The following RIF1 variants were observed in gnomAD, a reference collection of about 807,000 sequenced individuals.
The protein encoded by RIF1 is replication timing regulatory factor 1.
In RIF1, 45 loss-of-function variants were observed where a neutral mutation model predicts 247.1. The ratio of observed to expected loss-of-function variants is 0.18; its 90% CI spans 0.14 to 0.23. The LOEUF (loss-of-function observed/expected upper bound fraction) is 0.23, where lower values mean the gene tolerates loss of function less well. Among genes scored for constraint, RIF1 ranks in the 10% least tolerant of loss-of-function variants. The probability of loss-of-function intolerance (pLI) is 1.00; values close to 1 mark genes in which losing one functional copy is unlikely to be tolerated. For synonymous variants in RIF1, 1,087 were observed against 978.8 expected (o/e 1.11, Z -2.06); for missense variants, 2,967 against 2,862.5 (o/e 1.04, Z -0.83).
the RIF1 span, chr2:151,518,307 G>C: frequency 1.3e-6 from 2 of 1,569,496 alleles, no homozygotes; most frequent in Non-Finnish European, 1.8e-6. Flanking sequence ...AATCGGTCTT[G>C]ATCCACTTAC....
chr2:151,508,474 T>A (rs561355105), downstream of RIF1, among the ~76,000 whole-genome samples: 7 of 152,280 alleles, frequency 4.6e-5, no homozygotes, highest in East Asian at 9.7e-4. Flanking sequence ...TGGATGAAGC[T>A]ATGTAGCCAG....
At chr2:151,426,415 C>T (rs1000155500) in intron 8 of RIF1, among the ~76,000 whole-genome samples, 10 of 151,158 alleles carry the variant, frequency 6.6e-5, no homozygotes, top group African/African-American at 2.4e-4. Context: ...ACCTTGTAAT[C>T]CTCCCGCCTT....
At chr2:151,494,633 G>T (rs1001489593) in intron 9 of RIF1, among the ~76,000 whole-genome samples, 1 of 150,552 alleles carries the variant, frequency 6.6e-6, no homozygotes, top group African/African-American at 2.4e-5. Context: ...TCAGCTGTTT[G>T]TTTTTTTTTG....
chr2:151,431,732 C>T (rs560864985), intron 9 of RIF1, among the ~76,000 whole-genome samples: 56 of 152,212 alleles, frequency 3.7e-4, no homozygotes, highest in Admixed American at 1.1e-3. Flanking sequence ...GAGCCGAGAT[C>T]ATGCCATTGC....
At position 151,463,427 on chromosome 2, in the gene RIF1, A is replaced by C; in HGVS notation, c.3907A>C (p.Lys1303Gln). 6.2e-7 allele frequency: 1 copy of C among 1,614,044 alleles called. No homozygotes were observed. Among genetic ancestry groups the C allele is most frequent in the African/African-American group, 1.3e-5 (1 of 75,052 alleles). ...TGAACAAACAGGGAATAAAAGGTCT[A>C]AGCCCTTAATGAGATCTGAGCCGGA... ...KAEQTGNKRS[K>Q]PLMRSEPEKN... The change falls in exon 30 of 36, where the codon AAG becomes CAG. Residue 1303 changes from lysine (K) to glutamine (Q), a missense_variant. Lys to Gln is a moderately conservative substitution (Grantham distance 53). Around this residue, in one of 7 missense-constraint regions of RIF1, gnomAD observed 2,028 missense variants for 1,825.6 expected, o/e 1.11. Transcript: ENST00000444746.
At chr2:151,441,613 C>T (rs1184722531) in intron 15 of RIF1, among the ~76,000 whole-genome samples, 3 of 152,134 alleles carry the variant, frequency 2.0e-5, no homozygotes, top group Admixed American at 6.6e-5. Context: ...TGTGTACTTA[C>T]ATATACAGAA....
chr2:151,453,166 C>T (rs1694617278), intron 21 of RIF1, among the ~76,000 whole-genome samples: 3 of 152,040 alleles, frequency 2.0e-5, no homozygotes, highest in South Asian at 4.1e-4. Flanking sequence ...ATCTGCTCCC[C>T]CCTCCCCCCA....
intron 35 of RIF1, 106 bp from the exon 36 acceptor site, chr2:151,474,749 GCT>G (rs1270454027): frequency 4.4e-6 from 3 of 679,008 alleles, no homozygotes; most frequent in Non-Finnish European, 7.7e-6. Flanking sequence ...ACTTAAGCCT[GCT>G]CTCTCAATTT....
At position 151,464,296 on chromosome 2, in the gene RIF1, G is replaced by C. The variant is rs562817771; in HGVS notation, c.4776G>C (p.Gln1592His). 2.5e-6 allele frequency: 4 copies of C among 1,613,192 alleles called. No individual in the cohort carries two copies. The Admixed American group carries it at 5.0e-5, about 20-fold the overall frequency. ...IQDQEEKVVK[Q>H]ECIKAENQSH... is the part of the protein sequence containing the mutation. The stretch of plus-strand genomic sequence containing the variant: ...ATCAAGAAGAGAAAGTGGTGAAACA[G>C]GAATGTATAAAAGCTGAAAATCAGT... The change falls in exon 30 of 36, where the codon CAG becomes CAC. Residue 1592 changes from glutamine to histidine, a missense_variant. Physicochemically the swap from Gln to His is conservative, Grantham distance 24. Coordinates refer to ENST00000444746, the MANE Select transcript of RIF1 (RefSeq NM_018151.5).
At position 151,464,896 on chromosome 2, in the gene RIF1, T is replaced by C. The variant is rs1696677817; in HGVS notation, c.5376T>C (p.His1792=). ...AAGGACAATTTTTAGATGAACATCA[T>C]AGTGTGAATTTTCATTTGGGTCTCA... The part of the protein sequence containing the change: ...YSEGQFLDEH[H]SVNFHLGLKE... The change falls in exon 30 of 36, where the codon CAT becomes CAC. Residue 1792 remains histidine, a synonymous_variant. Coordinates refer to ENST00000444746, the MANE Select transcript of RIF1 (RefSeq NM_018151.5). The C allele has an allele frequency of 3.2e-6, 5 of 1,583,514 alleles. No homozygotes were observed. Among genetic ancestry groups the C allele is most frequent in the Non-Finnish European group, 4.3e-6 (5 of 1,170,470 alleles).
At chr2:151,526,768 C>T in the RIF1 span, 553 of 630,842 alleles carry the variant, frequency 8.8e-4, 3 homozygotes, top group African/African-American at 7.7e-3. Context: ...ACTGCTGGCG[C>T]CCCTCACAGG....
the RIF1 span, chr2:151,532,250 C>G: frequency 5.3e-6 from 1 of 187,278 alleles, no homozygotes; most frequent in Non-Finnish European, 1.1e-5. Context: ...TACACATGTA[C>G]TCGGAGGCCC....
At chr2:151,519,597 T>C in the RIF1 span, 2 of 1,278,056 alleles carry the variant, frequency 1.6e-6, no homozygotes, top group Non-Finnish European at 2.3e-6. Context: ...ATTGCACACT[T>C]AAAAACAGTT....
At chr2:151,431,778 T>TATGAATGA (rs1275883953) in intron 9 of RIF1, among the ~76,000 whole-genome samples, 3 of 73,732 alleles carry the variant, frequency 4.1e-5, no homozygotes, top group Non-Finnish European at 6.2e-5. Flanking sequence ...AACTTCCGTC[T>TATGAATGA]CTGAATGAAT....
rs1468637254 is a variant in RIF1, at chr2:151,474,031, A to G, written c.7163A>G (p.Glu2388Gly). 6.3e-7 allele frequency: 1 copy of G among 1,586,224 alleles called. No individual in the cohort carries two copies. The highest frequency in any genetic ancestry group is 2.2e-5 in the East Asian group (1 of 44,524). The part of the protein sequence containing the change: ...DISEKTVNGI[E>G]NKSLSPDEER... ...TCTGAAAAAACAGTAAATGGAATAG[A>G]AAATAAATCTTTGTCACCTGATGAA... Residue 2388 changes from glutamate to glycine, a missense_variant, in exon 35 of 36, where the codon GAA (glutamate) becomes GGA (glycine). Coordinates refer to ENST00000444746, the MANE Select transcript of RIF1 (RefSeq NM_018151.5).
At chr2:151,446,358 A>G (rs982063401) in intron 19 of RIF1, 68 bp from the exon 20 acceptor site, 3 of 1,358,570 alleles carry the variant, frequency 2.2e-6, no homozygotes, top group South Asian at 1.2e-5. Context: ...TTAAAGATGT[A>G]TTGATTCTAT....
At position 151,474,050 on chromosome 2, in the gene RIF1, T is replaced by A; in HGVS notation, c.7182T>A (p.Pro2394=). 1 of 1,536,564 alleles carries A rather than the reference T, an allele frequency of 6.5e-7. No individual in the cohort carries two copies. Among genetic ancestry groups the A allele is most frequent in the Middle Eastern group, 1.7e-4 (1 of 5,918 alleles). Residue 2394 remains proline (P), a synonymous_variant, in exon 35 of 36, where the codon CCT becomes CCA. Transcript: ENST00000444746. ...GAATAGAAAATAAATCTTTGTCACC[T>A]GATGAAGAAAGACTTGTCTCAGGTA... The part of the protein sequence containing the change: ...VNGIENKSLS[P]DEERLVSDII...
rs139026442 is a variant in RIF1, at chr2:151,455,110, A to T, written c.2560A>T (p.Ile854Leu). 2.9e-4 allele frequency: 472 copies of T among 1,613,244 alleles called. 4 individuals are homozygous for T. In the East Asian group the frequency reaches 0.01, roughly 36 times the overall value. Residue 854 changes from isoleucine to leucine, a missense_variant, in exon 22 of 36, where the codon ATA becomes TTA. Physicochemically the swap from Ile to Leu is conservative, Grantham distance 5. This residue lies in a region of RIF1 where 2,028 missense variants were observed against 1,825.6 expected (regional missense o/e 1.11). Transcript: ENST00000444746. ...HISLPSMIRK[I>L]FATLTRPLAL... Reference sequence around the variant, plus strand: ...TTCTTTGCCTTCTATGATCCGAAAAATATTTGCAACTTTAACAAGACCTCT... The same window carrying T: ...TTCTTTGCCTTCTATGATCCGAAAATTATTTGCAACTTTAACAAGACCTCT...
At chr2:151,485,724 G>A (rs773628949), downstream of RIF1, 87 of 1,564,256 alleles carry the variant, frequency 5.6e-5, no homozygotes, top group Non-Finnish European at 7.5e-5. Context: ...TGCAGGATCT[G>A]TAAGTCCTGC....
Sources: gnomAD v4.1 joint callset for allele counts (sites outside exome capture counted in the v4.1 genomes callset) on GRCh38, gnomAD v4.1.1 for gene constraint, gnomAD v4.1.1 regional missense constraint, MANE v1.5 for transcripts, NCBI Gene and HGNC (gene_info 2026-07-23, HGNC 2026-07-21) for gene names.